Variants in ATF6 observed in about 807,000 individuals in gnomAD.
ATF6 encodes cyclic AMP-dependent transcription factor ATF-6 alpha.
In ATF6, 53 loss-of-function variants were observed where a neutral mutation model predicts 83.6. The ratio of observed to expected loss-of-function variants is 0.63; its 90% CI spans 0.51 to 0.80. The LOEUF (loss-of-function observed/expected upper bound fraction) is 0.80, where lower values mean the gene tolerates loss of function less well. ATF6 is among the 30% of genes least tolerant of loss of function. ATF6 has a pLI of 0.00. For synonymous variants in ATF6, 288 were observed against 285.8 expected, an observed-to-expected ratio of 1.01 and a Z score of -0.08; for missense variants, 744 against 797.9, an observed-to-expected ratio of 0.93 and a Z score of 0.81.
rs1689092171 is a variant in ATF6, at chr1:161,961,165, T to C, written c.*2511T>C. On this transcript the variant is annotated 3_prime_UTR_variant, in exon 16 of 16. Transcript: ENST00000367942. ...TTTGGTTATGTCATACTCACCAACGTTAGTCCCTCTCTTCCAGGTGAAAAG... is the reference window on the plus strand; with the variant it reads ...TTTGGTTATGTCATACTCACCAACGCTAGTCCCTCTCTTCCAGGTGAAAAG... The C allele has an allele frequency of 6.6e-6, 1 of 152,214 alleles. No homozygotes were observed. Among genetic ancestry groups the C allele is most frequent in the African/African-American group, 2.4e-5 (1 of 41,442 alleles). 9.4% of individuals were successfully genotyped at this position (152,214 alleles called of 1,614,324 possible).
At chr1:161,781,714 G>T (rs1172360483) in intron 2 of ATF6, among the ~76,000 whole-genome samples, 198 bp from the exon 3 acceptor site, 1 of 152,152 alleles carries the variant, frequency 6.6e-6, no homozygotes. Flanking sequence ...TGTTGCTGCT[G>T]TGCTTCAAGT....
At chr1:161,863,143 T>G in intron 13 of ATF6, 55 bp from the exon 14 acceptor site, 2 of 1,072,340 alleles carry the variant, frequency 1.9e-6, no homozygotes, top group Non-Finnish European at 2.8e-6. Context: ...GGAAGTATTT[T>G]GGGAAAACAG....
intron 12 of ATF6, among the ~76,000 whole-genome samples, chr1:161,856,030 A>G (rs1476135232): frequency 2.6e-5 from 4 of 152,234 alleles, no homozygotes; most frequent in African/African-American, 7.2e-5. Context: ...TTATTTTTGG[A>G]TGGGAAATAT....
At chr1:161,830,939 T>C (rs559932053) in intron 9 of ATF6, among the ~76,000 whole-genome samples, 1 of 152,246 alleles carries the variant, frequency 6.6e-6, no homozygotes, top group African/African-American at 2.4e-5. Context: ...AAAGCCAAAA[T>C]TGACAAATGG....
At chr1:161,786,116 CAGGGATT>C (rs1259154794) in intron 4 of ATF6, among the ~76,000 whole-genome samples, 3 of 834 alleles carry the variant, frequency 3.6e-3, no homozygotes, top group Non-Finnish European at 5.7e-3. Context: ...CCTGGGATTA[CAGGGATT>C]ACAGGCACCT....
intron 14 of ATF6, among the ~76,000 whole-genome samples, chr1:161,885,880 T>C (rs1244911392): frequency 6.6e-6 from 1 of 152,182 alleles, no homozygotes; most frequent in Non-Finnish European, 1.5e-5. Context: ...AAAAGAGACA[T>C]CCTGCAGAAT....
At chr1:161,836,448 G>A (rs955409352) in intron 9 of ATF6, among the ~76,000 whole-genome samples, 1 of 152,216 alleles carries the variant, frequency 6.6e-6, no homozygotes, top group Non-Finnish European at 1.5e-5. Context: ...TTATCAAAGT[G>A]ACACATGAAC....
intron 10 of ATF6, among the ~76,000 whole-genome samples, chr1:161,850,081 C>G (rs1686579895): frequency 6.6e-6 from 1 of 152,184 alleles, no homozygotes; most frequent in Non-Finnish European, 1.5e-5. Flanking sequence ...TAGCTCTTTC[C>G]TAATCAGTGT....
chr1:161,858,512 A>G (rs932551712), intron 12 of ATF6, among the ~76,000 whole-genome samples: 2 of 152,204 alleles, frequency 1.3e-5, no homozygotes, highest in Non-Finnish European at 2.9e-5. Context: ...CCAAACAAAG[A>G]TTATTCTAAG....
intron 7 of ATF6, among the ~76,000 whole-genome samples, chr1:161,805,907 C>G (rs1278373846): frequency 6.6e-6 from 1 of 151,748 alleles, no homozygotes. Flanking sequence ...GCTGGTTTCA[C>G]TCTCCAGAGG....
chr1:161,847,232 G>A (rs1055955269), intron 10 of ATF6, among the ~76,000 whole-genome samples: 2 of 152,138 alleles, frequency 1.3e-5, no homozygotes, highest in African/African-American at 4.8e-5. Flanking sequence ...ATGGAGCCAG[G>A]TCCTTGACTA....
chr1:161,794,240 T>C (rs1223523779), intron 6 of ATF6, among the ~76,000 whole-genome samples: 1 of 152,148 alleles, frequency 6.6e-6, no homozygotes, highest in Admixed American at 6.5e-5. Context: ...AAATAGGTGG[T>C]ATTATTATAA....
At chr1:161,766,580 G>C in intron 1 of ATF6, 138 bp downstream of exon 1, 1 of 676,886 alleles carries the variant, frequency 1.5e-6, no homozygotes, top group Non-Finnish European at 2.5e-6. Flanking sequence ...ACTCCTGTTC[G>C]TGCCCCTGGA....
intron 14 of ATF6, among the ~76,000 whole-genome samples, chr1:161,900,617 A>G (rs1687764210): frequency 6.6e-6 from 1 of 152,174 alleles, no homozygotes; most frequent in Non-Finnish European, 1.5e-5. Context: ...AAAGAGGATT[A>G]AAAGTATTGA....
intron 7 of ATF6, among the ~76,000 whole-genome samples, chr1:161,810,999 CCATT>C: frequency 6.6e-6 from 1 of 152,176 alleles, no homozygotes; most frequent in Non-Finnish European, 1.5e-5. Flanking sequence ...TTTTGATAAT[CCATT>C]CATCAGTTGG....
intron 4 of ATF6, among the ~76,000 whole-genome samples, chr1:161,786,888 A>G (rs754603932): frequency 1.3e-5 from 2 of 152,204 alleles, no homozygotes; most frequent in African/African-American, 4.8e-5. Context: ...CAAGCATTGC[A>G]TGTGGTTATC....
chr1:161,894,803 G>A (rs1187266918), intron 14 of ATF6, among the ~76,000 whole-genome samples: 2 of 150,408 alleles, frequency 1.3e-5, no homozygotes, highest in Non-Finnish European at 3.0e-5. Context: ...ACCCGCCTTG[G>A]CCTCCCAAAG....
At chr1:161,905,502 T>A (rs997839646) in intron 14 of ATF6, among the ~76,000 whole-genome samples, 10 of 152,238 alleles carry the variant, frequency 6.6e-5, no homozygotes, top group Non-Finnish European at 1.2e-4. Context: ...GGAGGCAATG[T>A]AATCTTCAGG....
At chr1:161,833,732 G>C (rs552224342) in intron 9 of ATF6, among the ~76,000 whole-genome samples, 1 of 152,284 alleles carries the variant, frequency 6.6e-6, no homozygotes, top group South Asian at 2.1e-4. Flanking sequence ...AACGAACAAA[G>C]CCTCCAAGAA....
Sources: gnomAD v4.1 joint callset for allele counts (sites outside exome capture counted in the v4.1 genomes callset) on GRCh38, gnomAD v4.1.1 for gene constraint, MANE v1.5 for transcripts, NCBI Gene and HGNC (gene_info 2026-07-23, HGNC 2026-07-21) for gene names.